PRDX6: variants seen among roughly 807,000 people sequenced by gnomAD.
The protein encoded by PRDX6 is peroxiredoxin-6.
PRDX6 carries 13 observed loss-of-function variants against 20.0 expected under a neutral mutation model. That is an observed-to-expected ratio of 0.65 (90% CI 0.42 to 1.03). PRDX6 has a LOEUF of 1.03. Ranked by LOEUF, PRDX6 falls within the 50% of genes least tolerant of loss-of-function variation. The pLI, the probability that PRDX6 is intolerant of heterozygous loss-of-function variation, is 0.00. For missense variants in PRDX6, 203 were observed against 276.9 expected, an observed-to-expected ratio of 0.73 and a Z score of 1.89; for synonymous variants, 85 against 100.8, an observed-to-expected ratio of 0.84 and a Z score of 0.94.
At chr1:173,484,405 T>G (rs1447053883) in intron 2 of PRDX6, among the ~76,000 whole-genome samples, 2 of 151,932 alleles carry the variant, frequency 1.3e-5, no homozygotes, top group Non-Finnish European at 2.9e-5. Flanking sequence ...GTTCGTATAC[T>G]TCAGTATTTA....
intron 1 of PRDX6, among the ~76,000 whole-genome samples, chr1:173,480,393 T>A (rs1658780898): frequency 1.3e-5 from 2 of 152,174 alleles, no homozygotes; most frequent in South Asian, 4.1e-4. Flanking sequence ...TTTAGGATGG[T>A]TTAAGTTGAT....
chr1:173,480,083 G>GA (rs1557996206), intron 1 of PRDX6, among the ~76,000 whole-genome samples: 1 of 152,222 alleles, frequency 6.6e-6, no homozygotes, highest in South Asian at 2.1e-4. Context: ...TACTTCAAAA[G>GA]ATATACTCTA....
Position 173,481,391 on chromosome 1 carries a change from C to T in PRDX6, c.161C>T (p.Ala54Val). ...GTGTGCACCACAGAGCTTGGCAGAG[C>T]TGCAAAGCTGGCACCAGAATTTGCC... ...TPVCTTELGR[A>V]AKLAPEFAKR... The change falls in exon 2 of 5, where the codon GCT becomes GTT. Residue 54 changes from alanine (A) to valine (V), a missense_variant. Coordinates refer to ENST00000340385, the MANE Select transcript of PRDX6 (RefSeq NM_004905.3). 5.6e-6 allele frequency: 9 copies of T among 1,613,836 alleles called. No homozygotes were observed. Among genetic ancestry groups the T allele is most frequent in the Non-Finnish European group, 7.6e-6 (9 of 1,179,698 alleles).
intron 3 of PRDX6, among the ~76,000 whole-genome samples, chr1:173,485,972 C>T (rs1658888985): frequency 6.6e-6 from 1 of 152,154 alleles, no homozygotes; most frequent in Non-Finnish European, 1.5e-5. Context: ...GATAGTCATC[C>T]CCAATTGACA....
At chr1:173,486,207 A>G (rs753447675) in intron 3 of PRDX6, 48 bp from the exon 4 acceptor site, 3 of 1,498,978 alleles carry the variant, frequency 2.0e-6, no homozygotes, top group Non-Finnish European at 1.8e-6. Flanking sequence ...AGTGGCTTTA[A>G]TAACACTCAA....
intron 2 of PRDX6, chr1:173,481,994 A>G (rs1356773100): frequency 6.5e-6 from 1 of 154,064 alleles, no homozygotes; most frequent in African/African-American, 2.4e-5. Context: ...TGGGATGTCC[A>G]GTCATCTCAA....
intron 1 of PRDX6, among the ~76,000 whole-genome samples, chr1:173,479,122 G>A (rs33942654): frequency 0.22 from 33,395 of 152,048 alleles, 3,944 homozygotes; most frequent in East Asian, 0.31. Context: ...TGTGCCAACA[G>A]TTATAAATGC....
rs1366534133 is a variant in PRDX6 at position 173,485,368 on chromosome 1, A to T, written c.260A>T (p.Asn87Ile). ...EDHLAWSKDI[N>I]AYNCEEPTEK... ...CTTTTACTTGTGTTTCAGGATATCA[A>T]TGCTTACAATTGTGAAGAGCCCACA... Residue 87 changes from asparagine (N) to isoleucine (I), a missense_variant, in exon 3 of 5, where the codon AAT becomes ATT. Coordinates refer to ENST00000340385, the MANE Select transcript of PRDX6 (RefSeq NM_004905.3). 6.3e-7 allele frequency: 1 copy of T among 1,587,272 alleles called. No individual in the cohort carries two copies. The highest frequency in any genetic ancestry group is 1.4e-5 in the African/African-American group (1 of 73,868).
At chr1:173,484,509 G>C (rs530263108) in intron 2 of PRDX6, among the ~76,000 whole-genome samples, 25 of 152,128 alleles carry the variant, frequency 1.6e-4, no homozygotes, top group African/African-American at 5.5e-4. Flanking sequence ...GGGAGGAGCC[G>C]TGTCTTACTC....
At chr1:173,483,647 A>G (rs1017755319) in intron 2 of PRDX6, among the ~76,000 whole-genome samples, 1 of 152,354 alleles carries the variant, frequency 6.6e-6, no homozygotes, top group Middle Eastern at 3.4e-3. Flanking sequence ...ATGGTTTTGT[A>G]TCTGCTATGC....
intron 2 of PRDX6, 47 bp downstream of exon 2, chr1:173,481,529 G>C: frequency 6.3e-7 from 1 of 1,579,332 alleles, no homozygotes; most frequent in Non-Finnish European, 8.7e-7. Flanking sequence ...TATAGGTCAA[G>C]TTATAAATTA....
rs1275696443 is a variant in PRDX6 at position 173,485,606 on chromosome 1, G to A, written c.399+99G>A. 1.9e-5 allele frequency: 21 copies of A among 1,118,064 alleles called. 1 individual carries two copies. Among genetic ancestry groups the A allele is most frequent in the Middle Eastern group, 4.4e-4 (2 of 4,580 alleles). 69.3% of individuals were successfully genotyped at this position (1,118,064 alleles called of 1,614,324 possible). ...CTAGAGGAGATAGGGGAATATCTAC[G>A]ATTATGAAATAACTGTGTATTGGCG... On this transcript the variant is annotated intron_variant, in intron 3 of 4. Transcript: ENST00000340385.
chr1:173,487,994 T>C lies in PRDX6; in HGVS notation c.*131T>C. 2 of 1,127,226 alleles carry C rather than the reference T, an allele frequency of 1.8e-6. No homozygotes were observed. The highest frequency in any genetic ancestry group is 2.5e-6 in the Non-Finnish European group (2 of 805,338). 69.8% of individuals were successfully genotyped at this position (1,127,226 alleles called of 1,614,324 possible). On this transcript the variant is annotated 3_prime_UTR_variant, in exon 5 of 5. Transcript: ENST00000340385. ...TTTAGGTTGCTATACCAATGGCTTA[T>C]TAAATGAAAATGGCACTAAAAGTTT... is the stretch of plus-strand genomic sequence containing the variant.
intron 4 of PRDX6, 126 bp from the exon 5 acceptor site, chr1:173,487,609 G>C (rs1215591521): frequency 9.4e-7 from 1 of 1,062,244 alleles, no homozygotes; most frequent in East Asian, 2.5e-5. Flanking sequence ...TCCTCACAGA[G>C]GGGAGAGTAA....
intron 1 of PRDX6, among the ~76,000 whole-genome samples, chr1:173,478,133 G>C (rs1317189807): frequency 1.3e-5 from 2 of 152,252 alleles, no homozygotes. Context: ...CTGCCAAGTA[G>C]GTGGCCGAAA....
chr1:173,479,712 TCTTAAGTGCAG>T (rs751130927), intron 1 of PRDX6, among the ~76,000 whole-genome samples: 7 of 152,186 alleles, frequency 4.6e-5, no homozygotes, highest in Non-Finnish European at 1.0e-4. Flanking sequence ...ACTGAATTAC[TCTTAAGTGCAG>T]CAGTAGGAAG....
rs1658928917 is a variant in PRDX6 at position 173,487,979 on chromosome 1, T to C, written c.*116T>C. The C allele has an allele frequency of 2.7e-5, 35 of 1,277,846 alleles. No individual in the cohort carries two copies. Among genetic ancestry groups the C allele is most frequent in the Non-Finnish European group, 3.6e-5 (33 of 925,374 alleles). 79.2% of individuals were successfully genotyped at this position (1,277,846 alleles called of 1,614,324 possible). Reference sequence around the variant, plus strand: ...ATCACAGCCAAGGTTTTTAGGTTGCTATACCAATGGCTTATTAAATGAAAA... The same window carrying C: ...ATCACAGCCAAGGTTTTTAGGTTGCCATACCAATGGCTTATTAAATGAAAA... On this transcript the variant is annotated 3_prime_UTR_variant, in exon 5 of 5. Transcript: ENST00000340385.
chr1:173,480,326 G>A (rs1053624713), intron 1 of PRDX6, among the ~76,000 whole-genome samples: 8 of 152,116 alleles, frequency 5.3e-5, no homozygotes, highest in Admixed American at 2.0e-4. Flanking sequence ...AGGTCAACTT[G>A]GCATCTAGGC....
rs1027583082 is a variant in PRDX6 at position 173,487,602 on chromosome 1, TCA to T, written c.547-130_547-129del. 3.9e-6 allele frequency: 4 copies of T among 1,016,172 alleles called. No homozygotes were observed. The Admixed American group carries it at 1.0e-4, about 26-fold the overall frequency. The allele number at this position is 1,016,172 out of a possible 1,614,324, so 62.9% of individuals were successfully genotyped here. On this transcript the variant is annotated intron_variant, in intron 4 of 4. Coordinates refer to ENST00000340385, the MANE Select transcript of PRDX6 (RefSeq NM_004905.3). Reference sequence around the variant, plus strand: ...AAGATCAACTTGGAAAACAAAATCCTCACAGAGGGGAGAGTAAAGAACACTTG... The same window carrying T: ...AAGATCAACTTGGAAAACAAAATCCTCAGAGGGGAGAGTAAAGAACACTTG...
Sources: gnomAD v4.1 joint callset for allele counts (sites outside exome capture counted in the v4.1 genomes callset) on GRCh38, gnomAD v4.1.1 for gene constraint, MANE v1.5 for transcripts, NCBI Gene and HGNC (gene_info 2026-07-23, HGNC 2026-07-21) for gene names.